Variants in CACNA2D1 observed in about 807,000 individuals in gnomAD.
CACNA2D1 encodes calcium voltage-gated channel auxiliary subunit alpha2delta 1.
A neutral mutation model predicts 171.5 loss-of-function variants in CACNA2D1; 53 were observed. That is an observed-to-expected ratio of 0.31 (90% CI 0.25 to 0.39). The LOEUF is 0.39. Ranked by LOEUF, CACNA2D1 falls within the 10% of genes least tolerant of loss-of-function variation. The pLI is 1.00. For missense variants in CACNA2D1, 903 were observed against 1,299.8 expected, an observed-to-expected ratio of 0.69 and a Z score of 4.69; for synonymous variants, 442 against 443.1, an observed-to-expected ratio of 1.00 and a Z score of 0.03.
chr7:82,348,297 T>A (rs1478275651), intron 2 of CACNA2D1, among the ~76,000 whole-genome samples: 2 of 152,198 alleles, frequency 1.3e-5, no homozygotes, highest in Non-Finnish European at 2.9e-5. Context: ...CTAATATAGT[T>A]TCCCACAGTG....
intron 3 of CACNA2D1, among the ~76,000 whole-genome samples, chr7:82,320,841 C>T (rs998581754): frequency 6.1e-5 from 9 of 146,364 alleles, no homozygotes; most frequent in Non-Finnish European, 3.0e-5. Flanking sequence ...AAAAAATAAA[C>T]TATCAGTAGG....
At chr7:82,111,444 A>ATATATATATTTTTTT (rs1207440298) in intron 6 of CACNA2D1, among the ~76,000 whole-genome samples, 2 of 69,968 alleles carry the variant, frequency 2.9e-5, no homozygotes, top group Admixed American at 1.6e-4. Flanking sequence ...ATATATATAT[A>ATATATATATTTTTTT]TTTTTTTTTT....
chr7:81,974,604 G>T, intron 24 of CACNA2D1, 52 bp from the exon 25 acceptor site: 1 of 912,832 alleles, frequency 1.1e-6, no homozygotes, highest in Non-Finnish European at 1.7e-6. Context: ...AACTTTACAG[G>T]GTAATTAAAG....
At chr7:82,423,246 G>C (rs1216684343) in intron 1 of CACNA2D1, among the ~76,000 whole-genome samples, 1 of 151,996 alleles carries the variant, frequency 6.6e-6, no homozygotes, top group Non-Finnish European at 1.5e-5. Flanking sequence ...TTAACGTAGA[G>C]AGAACTCAAC....
At chr7:82,311,898 C>T (rs1412924312) in intron 3 of CACNA2D1, among the ~76,000 whole-genome samples, 1 of 152,082 alleles carries the variant, frequency 6.6e-6, no homozygotes, top group Non-Finnish European at 1.5e-5. Context: ...AATTCCCGAC[C>T]TTGTTGTGAT....
chr7:82,095,785 T>C (rs1811788884), intron 6 of CACNA2D1, among the ~76,000 whole-genome samples: 1 of 152,216 alleles, frequency 6.6e-6, no homozygotes, highest in Admixed American at 6.5e-5. Flanking sequence ...ACATTTCCTT[T>C]TCTTTCCTTC....
intron 24 of CACNA2D1, among the ~76,000 whole-genome samples, chr7:81,978,040 A>G (rs780886911): frequency 2.6e-4 from 40 of 152,156 alleles, no homozygotes; most frequent in Non-Finnish European, 5.3e-4. Flanking sequence ...CAATGAGATA[A>G]CATCTCATGC....
intron 3 of CACNA2D1, among the ~76,000 whole-genome samples, chr7:82,328,220 T>C (rs914324046): frequency 6.6e-6 from 1 of 152,230 alleles, no homozygotes; most frequent in Admixed American, 6.5e-5. Context: ...CTCAAAGGCC[T>C]GGATAATTTA....
chr7:82,256,743 T>C (rs1398753481), intron 3 of CACNA2D1, among the ~76,000 whole-genome samples: 2 of 152,190 alleles, frequency 1.3e-5, no homozygotes, highest in Admixed American at 6.5e-5. Context: ...AACCATTCAT[T>C]AGAAGATGCT....
chr7:81,983,107 A>C (rs912453554), intron 23 of CACNA2D1, among the ~76,000 whole-genome samples: 1 of 152,192 alleles, frequency 6.6e-6, no homozygotes, highest in African/African-American at 2.4e-5. Flanking sequence ...CTTAAGTCCA[A>C]GAAAAAAACT....
At chr7:82,085,729 TG>T (rs1810395225) in intron 6 of CACNA2D1, among the ~76,000 whole-genome samples, 1 of 151,852 alleles carries the variant, frequency 6.6e-6, no homozygotes, top group African/African-American at 2.4e-5. Flanking sequence ...AATTAGAGCA[TG>T]GTGCCGATAA....
At chr7:82,335,280 G>A in intron 2 of CACNA2D1, 29 bp from the exon 3 acceptor site, 2 of 1,245,362 alleles carry the variant, frequency 1.6e-6, no homozygotes, top group Non-Finnish European at 2.4e-6. Context: ...AAACTAGTAA[G>A]AACAATAGTT....
intron 1 of CACNA2D1, among the ~76,000 whole-genome samples, chr7:82,369,858 C>A (rs1039525145): frequency 1.3e-5 from 2 of 152,000 alleles, no homozygotes; most frequent in Non-Finnish European, 2.9e-5. Flanking sequence ...CCATTCAGAG[C>A]AATGCCTGGA....
At chr7:82,104,787 G>A (rs1050959148) in intron 6 of CACNA2D1, among the ~76,000 whole-genome samples, 1 of 151,938 alleles carries the variant, frequency 6.6e-6, no homozygotes, top group Non-Finnish European at 1.5e-5. Flanking sequence ...AGTACGATAC[G>A]ATTTAAGAAT....
intron 3 of CACNA2D1, among the ~76,000 whole-genome samples, chr7:82,248,547 A>G (rs1194184654): frequency 1.3e-5 from 2 of 152,242 alleles, no homozygotes; most frequent in Admixed American, 1.3e-4. Flanking sequence ...AATACTTTGA[A>G]GAACAAAGTG....
At chr7:82,150,324 T>TC (rs535840924) in intron 4 of CACNA2D1, among the ~76,000 whole-genome samples, 6 of 143,314 alleles carry the variant, frequency 4.2e-5, no homozygotes, top group Non-Finnish European at 7.6e-5. Context: ...TACTTTTTTT[T>TC]TCCCCCCAGT....
At chr7:82,111,444 A>ATATATATATATATATATTTTTT (rs1207440298) in intron 6 of CACNA2D1, among the ~76,000 whole-genome samples, 1 of 69,968 alleles carries the variant, frequency 1.4e-5, no homozygotes, top group African/African-American at 6.8e-5. Flanking sequence ...ATATATATAT[A>ATATATATATATATATATTTTTT]TTTTTTTTTT....
Position 82,413,193 on chromosome 7 carries a change from C to G in CACNA2D1, c.95+30172G>C, listed in dbSNP as rs543179835. Among the ~76,000 whole-genome samples, 16 of 152,188 alleles carry G rather than the reference C, an allele frequency of 1.1e-4. No homozygotes were observed. The East Asian group carries it at 2.1e-3, about 20-fold the overall frequency. On this transcript the variant is annotated intron_variant, in intron 1 of 38. Coordinates refer to ENST00000356860, the MANE Select transcript of CACNA2D1 (RefSeq NM_000722.4). ...CATTTCTTAGTCAATCGCTTTTAAT[C>G]TTTTATATTTTGTCTGAGGAACAAT...
chr7:82,405,640 A>G (rs557968638), intron 1 of CACNA2D1, among the ~76,000 whole-genome samples: 7 of 152,138 alleles, frequency 4.6e-5, no homozygotes, highest in Non-Finnish European at 1.0e-4. Context: ...CTTACATATT[A>G]AAAAAATGCA....
Sources: allele counts gnomAD v4.1 joint callset (sites outside exome capture counted in the v4.1 genomes callset), GRCh38; gene constraint gnomAD v4.1.1; transcripts MANE v1.5; gene names NCBI Gene and HGNC (gene_info 2026-07-23, HGNC 2026-07-21).